Variants in PCNX2 observed in about 807,000 individuals in gnomAD.
PCNX2 encodes pecanex-like protein 2.
Under a neutral mutation model 223.8 loss-of-function variants are expected in PCNX2, and 168 were observed. The ratio of observed to expected loss-of-function variants is 0.75; its 90% CI spans 0.66 to 0.85. PCNX2 has a LOEUF of 0.85. Ranked by LOEUF, PCNX2 falls within the 40% of genes least tolerant of loss-of-function variation. The pLI is 0.00. For missense variants in PCNX2, 2,507 were observed against 2,675.5 expected, an observed-to-expected ratio of 0.94 and a Z score of 1.39; for synonymous variants, 1,006 against 1,052.6, an observed-to-expected ratio of 0.96 and a Z score of 0.86.
chr1:232,998,402 G>C lies in PCNX2; in HGVS notation c.5640C>G (p.Gly1880=). ...CTCCGTCCACGTCTTCAATGTTGCC[G>C]CCACTGTGCTGGCGGGCATTGCAAT... The part of the protein sequence containing the change: ...RKDCNARQHS[G]GNIEDVDGGG... The change falls in exon 32 of 34, where the codon GGC becomes GGG. Residue 1880 remains glycine, a synonymous_variant. Coordinates refer to ENST00000258229, the MANE Select transcript of PCNX2 (RefSeq NM_014801.4). 6.2e-7 allele frequency: 1 copy of C among 1,612,672 alleles called. No homozygotes were observed. The highest frequency in any genetic ancestry group is 1.1e-5 in the South Asian group (1 of 90,860).
chr1:233,046,930 AGAAAT>A (rs1425288720), intron 25 of PCNX2, among the ~76,000 whole-genome samples: 1 of 152,248 alleles, frequency 6.6e-6, no homozygotes, highest in African/African-American at 2.4e-5. Flanking sequence ...AGAATGTGGC[AGAAAT>A]GACATGGTGC....
chr1:233,040,881 C>T (rs1309816384), intron 25 of PCNX2, among the ~76,000 whole-genome samples: 2 of 152,204 alleles, frequency 1.3e-5, no homozygotes, highest in Non-Finnish European at 2.9e-5. Flanking sequence ...ATTGCTTTCC[C>T]TCTAAAGATA....
chr1:233,133,920 G>A (rs1045509655), intron 21 of PCNX2, among the ~76,000 whole-genome samples: 1 of 151,826 alleles, frequency 6.6e-6, no homozygotes. Flanking sequence ...TGGGGTGGTG[G>A]GAATTACTTA....
intron 21 of PCNX2, among the ~76,000 whole-genome samples, chr1:233,129,898 C>A (rs1676356698): frequency 6.6e-6 from 1 of 151,556 alleles, no homozygotes; most frequent in Non-Finnish European, 1.5e-5. Flanking sequence ...CAGTGGCAAT[C>A]TGCCAGGGTA....
At position 233,170,392 on chromosome 1, in the gene PCNX2, G is replaced by A. The variant is rs1256376171; in HGVS notation, c.3273+7410C>T. ...TGATTTTAATTTGGAGTTTTCTGAT[G>A]ATTAATGAGGTTGCCCATATATTCA... is the stretch of plus-strand genomic sequence containing the variant. On this transcript the variant is annotated intron_variant, in intron 17 of 33. Coordinates refer to ENST00000258229, the MANE Select transcript of PCNX2 (RefSeq NM_014801.4). 2.6e-5 allele frequency among the ~76,000 whole-genome samples: 4 copies of A among 152,240 alleles called. No individual in the cohort carries two copies. The East Asian group carries it at 5.8e-4, about 22-fold the overall frequency.
chr1:233,032,801 G>T (rs568443121), intron 25 of PCNX2, among the ~76,000 whole-genome samples: 31 of 152,348 alleles, frequency 2.0e-4, no homozygotes, highest in African/African-American at 7.0e-4. Flanking sequence ...AGTTTGCCAT[G>T]AAGGATGGCT....
At chr1:233,199,397 G>GCAGGAGGA (rs1680922965) in intron 14 of PCNX2, among the ~76,000 whole-genome samples, 1 of 152,008 alleles carries the variant, frequency 6.6e-6, no homozygotes, top group Non-Finnish European at 1.5e-5. Flanking sequence ...GAGGGAGAAG[G>GCAGGAGGA]CAGGAGGAGA....
At chr1:233,151,860 A>G (rs1297367938) in intron 19 of PCNX2, among the ~76,000 whole-genome samples, 1 of 152,144 alleles carries the variant, frequency 6.6e-6, no homozygotes, top group Non-Finnish European at 1.5e-5. Context: ...TTTTTAGTAG[A>G]GATGGGGTAC....
At position 233,000,382 on chromosome 1, in the gene PCNX2, G is replaced by A; in HGVS notation, c.5251C>T (p.His1751Tyr). Residue 1751 changes from histidine (H) to tyrosine (Y), a missense_variant, in exon 30 of 34, where the codon CAC becomes TAC. This residue lies in a region of PCNX2 where 1,372 missense variants were observed against 1,509.4 expected (regional missense o/e 0.91). Transcript: ENST00000258229. This position sits in a 1 kb window ranked among gnomAD's most constrained non-coding sequence, Gnocchi z 4.6. Reference sequence around the variant, plus strand: ...TCGTCGGCACCCTCGTCCACCACGTGCCGCAGGGTGAGCAGCTCTTCCTTG... The same window carrying A: ...TCGTCGGCACCCTCGTCCACCACGTACCGCAGGGTGAGCAGCTCTTCCTTG... Reference protein sequence around the residue: ...SNKEELLTLRHVVDEGADEYK... With the variant: ...SNKEELLTLRYVVDEGADEYK... 6.2e-7 allele frequency: 1 copy of A among 1,613,036 alleles called. No individual in the cohort carries two copies. Among genetic ancestry groups the A allele is most frequent in the East Asian group, 2.2e-5 (1 of 44,862 alleles).
At chr1:233,141,870 G>A (rs539601731) in intron 19 of PCNX2, among the ~76,000 whole-genome samples, 1 of 152,068 alleles carries the variant, frequency 6.6e-6, no homozygotes, top group South Asian at 2.1e-4. Context: ...TAGGAATGGT[G>A]AGAATAGACA....
upstream of PCNX2, among the ~76,000 whole-genome samples, chr1:233,297,520 C>T (rs936367514): frequency 1.3e-5 from 2 of 152,148 alleles, no homozygotes; most frequent in South Asian, 2.1e-4. Context: ...TGTCAATAAG[C>T]ACCAGGGAAC....
intron 23 of PCNX2, among the ~76,000 whole-genome samples, chr1:233,061,141 G>C (rs1338928368): frequency 6.6e-6 from 1 of 152,208 alleles, no homozygotes; most frequent in African/African-American, 2.4e-5. Context: ...GGAGTGAGAA[G>C]TTTGGTGGGG....
the PCNX2 span, among the ~76,000 whole-genome samples, chr1:233,321,082 G>A: frequency 3.5e-3 from 480 of 137,140 alleles, 1 homozygote; most frequent in African/African-American, 0.013. Flanking sequence ...GCAGTGGTGC[G>A]ATCTCTGCTC....
intron 19 of PCNX2, among the ~76,000 whole-genome samples, chr1:233,154,697 T>C (rs751082303): frequency 1.3e-5 from 2 of 152,238 alleles, no homozygotes; most frequent in Non-Finnish European, 2.9e-5. Context: ...ATTTAAGCAA[T>C]GATACATGAA....
At chr1:233,141,827 A>G (rs1407740415) in intron 19 of PCNX2, among the ~76,000 whole-genome samples, 1 of 151,146 alleles carries the variant, frequency 6.6e-6, no homozygotes, top group Non-Finnish European at 1.5e-5. Context: ...GGCATTTAGA[A>G]ATCTTACTTG....
intron 28 of PCNX2, among the ~76,000 whole-genome samples, chr1:233,008,135 C>A (rs1268274525): frequency 1.3e-5 from 2 of 152,142 alleles, no homozygotes; most frequent in East Asian, 3.8e-4. Context: ...CTGCACAGAC[C>A]CTGAATTGAG....
chr1:233,254,745 G>A (rs1490905159), intron 5 of PCNX2, among the ~76,000 whole-genome samples: 3 of 149,958 alleles, frequency 2.0e-5, no homozygotes, highest in African/African-American at 7.4e-5. Flanking sequence ...TGCAGGTATG[G>A]TTTTATACCT....
At chr1:233,129,897 T>TC (rs541450504) in intron 21 of PCNX2, among the ~76,000 whole-genome samples, 334 of 152,260 alleles carry the variant, frequency 2.2e-3, no homozygotes, top group African/African-American at 7.6e-3. Context: ...GCAGTGGCAA[T>TC]CTGCCAGGGT....
rs754632748 is a variant in PCNX2, at chr1:233,001,606, T to C, written c.5028A>G (p.Val1676=). The C allele has an allele frequency of 6.3e-7, 1 of 1,580,194 alleles. No homozygotes were observed. The highest frequency in any genetic ancestry group is 1.2e-5 in the South Asian group (1 of 85,420). ...TATGCAGTAGGTCCATGTCAGCAAA[T>C]ACCCACTCGTCACGTGCTGTTATTC... The part of the protein sequence containing the change: ...DFRITARDEW[V]FADMDLLHKV... The change falls in exon 29 of 34, where the codon GTA becomes GTG. Residue 1676 remains valine (V), a synonymous_variant. Transcript: ENST00000258229. This position sits in a 1 kb window ranked among gnomAD's most constrained non-coding sequence, Gnocchi z 4.2.
Sources: allele counts gnomAD v4.1 joint callset (sites outside exome capture counted in the v4.1 genomes callset), GRCh38; gene constraint gnomAD v4.1.1; regional missense constraint gnomAD v4.1.1; non-coding constraint Gnocchi (gnomAD v3.1); transcripts MANE v1.5; gene names NCBI Gene and HGNC (gene_info 2026-07-23, HGNC 2026-07-21).